The following AKT3 variants were observed in gnomAD, a reference collection of about 807,000 sequenced individuals.
The protein encoded by AKT3 is AKT serine/threonine kinase 3, also known as RAC-gamma serine/threonine-protein kinase.
AKT3 carries 15 observed loss-of-function variants against 65.3 expected under a neutral mutation model. The observed-to-expected ratio is 0.23, with a 90% confidence interval of 0.15 to 0.35. The LOEUF (loss-of-function observed/expected upper bound fraction) is 0.35. Among genes scored for constraint, AKT3 ranks in the 10% least tolerant of loss-of-function variants. AKT3 has a pLI of 1.00. For synonymous variants in AKT3, 206 were observed against 183.8 expected (o/e 1.12, Z -0.98); for missense variants, 243 against 576.5 (o/e 0.42, Z 5.92).
intron 3 of AKT3, among the ~76,000 whole-genome samples, chr1:243,679,404 C>T (rs1683761882): frequency 6.6e-6 from 1 of 152,004 alleles, no homozygotes; most frequent in Non-Finnish European, 1.5e-5. Flanking sequence ...TATGTTTTCT[C>T]CCAGAGAAAA....
chr1:243,773,844 G>A (rs1178204337), intron 2 of AKT3, among the ~76,000 whole-genome samples: 10 of 152,108 alleles, frequency 6.6e-5, no homozygotes, highest in African/African-American at 2.4e-4. Flanking sequence ...CCTAACAGAC[G>A]TCAATGTTTG....
chr1:243,782,202 A>G (rs1011154481), intron 2 of AKT3, among the ~76,000 whole-genome samples: 1 of 152,202 alleles, frequency 6.6e-6, no homozygotes, highest in African/African-American at 2.4e-5. Flanking sequence ...CTTGCCTAAG[A>G]GAGATCAAAA....
intron 2 of AKT3, among the ~76,000 whole-genome samples, chr1:243,837,897 T>C (rs1442050776): frequency 6.6e-6 from 1 of 152,096 alleles, no homozygotes; most frequent in East Asian, 1.9e-4. Flanking sequence ...TGAAATATGA[T>C]CAGAAAAAGA....
At position 243,594,097 on chromosome 1, in the gene AKT3, G is replaced by C. The variant is rs576249820; in HGVS notation, c.696+19574C>G. Among the ~76,000 whole-genome samples, 52 of 152,248 alleles carry C rather than the reference G, an allele frequency of 3.4e-4. 1 individual carries two copies. Among genetic ancestry groups the C allele is most frequent in the African/African-American group, 1.2e-3 (48 of 41,550 alleles). ...TTTCTAGAACTAATAAGTGAGCTTA[G>C]GAAGGCCATGGAATACAAGGTTAAT... On this transcript the variant is annotated intron_variant, in intron 8 of 13. Transcript: ENST00000673466.
intron 12 of AKT3, among the ~76,000 whole-genome samples, chr1:243,538,298 A>C (rs1672068222): frequency 6.6e-6 from 1 of 152,154 alleles, no homozygotes. Flanking sequence ...AAACAATAAA[A>C]CAGACATACA....
intron 2 of AKT3, among the ~76,000 whole-genome samples, chr1:243,712,222 G>GTTT (rs1346747559): frequency 6.6e-6 from 1 of 152,090 alleles, no homozygotes; most frequent in Non-Finnish European, 1.5e-5. Context: ...ATGAGACAAA[G>GTTT]GAAAAGTCAA....
At chr1:243,764,933 T>C (rs1464643063) in intron 2 of AKT3, among the ~76,000 whole-genome samples, 2 of 152,132 alleles carry the variant, frequency 1.3e-5, no homozygotes, top group Non-Finnish European at 2.9e-5. Flanking sequence ...ATTAATCATT[T>C]AGCAACATTT....
intron 2 of AKT3, among the ~76,000 whole-genome samples, chr1:243,699,537 T>C (rs1352442329): frequency 2.1e-5 from 3 of 142,026 alleles, no homozygotes; most frequent in African/African-American, 8.2e-5. Flanking sequence ...CTTCCACTTC[T>C]TTCTCACACT....
At chr1:243,594,875 TGACTAAAG>T (rs1321548475) in intron 8 of AKT3, among the ~76,000 whole-genome samples, 1 of 152,162 alleles carries the variant, frequency 6.6e-6, no homozygotes, top group Non-Finnish European at 1.5e-5. Flanking sequence ...CCCCCATGTC[TGACTAAAG>T]GACAGCCCTT....
At chr1:243,585,927 G>T (rs758619642) in intron 8 of AKT3, among the ~76,000 whole-genome samples, 17 of 152,040 alleles carry the variant, frequency 1.1e-4, no homozygotes, top group Non-Finnish European at 2.2e-4. Context: ...TACAGCAAAA[G>T]AAACTATCAA....
chr1:243,510,644 T>C (rs1669956590), intron 13 of AKT3, among the ~76,000 whole-genome samples: 1 of 152,142 alleles, frequency 6.6e-6, no homozygotes, highest in Non-Finnish European at 1.5e-5. Flanking sequence ...TGGTGACGTG[T>C]GGCATGTTCG....
chr1:243,797,057 T>A (rs1197573155), intron 2 of AKT3, among the ~76,000 whole-genome samples: 1 of 152,166 alleles, frequency 6.6e-6, no homozygotes, highest in Non-Finnish European at 1.5e-5. Context: ...TGGTGGTGAA[T>A]GGTTGCAAAA....
chr1:243,844,337 C>T (rs907053966), intron 1 of AKT3, among the ~76,000 whole-genome samples: 2 of 152,152 alleles, frequency 1.3e-5, no homozygotes, highest in Non-Finnish European at 2.9e-5. Flanking sequence ...GCCTGCATTC[C>T]AAAACTATAC....
At chr1:243,589,163 A>C (rs1488601800) in intron 8 of AKT3, among the ~76,000 whole-genome samples, 1 of 151,770 alleles carries the variant, frequency 6.6e-6, no homozygotes, top group Non-Finnish European at 1.5e-5. Flanking sequence ...AAAATCAGCC[A>C]GGCGTGGTGG....
intron 2 of AKT3, among the ~76,000 whole-genome samples, chr1:243,713,512 C>T (rs924797082): frequency 2.0e-5 from 3 of 151,998 alleles, no homozygotes; most frequent in Admixed American, 6.6e-5. Flanking sequence ...TTATTCAGTT[C>T]GACATCTGCA....
intron 13 of AKT3, chr1:243,488,934 C>T: frequency 6.2e-7 from 1 of 1,601,174 alleles, no homozygotes. Flanking sequence ...TCAGGGGCTT[C>T]CCTCAGATAC....
chr1:243,591,211 A>C (rs1310741754), intron 8 of AKT3, among the ~76,000 whole-genome samples: 1 of 152,218 alleles, frequency 6.6e-6, no homozygotes, highest in Non-Finnish European at 1.5e-5. Flanking sequence ...GCCACTGAAA[A>C]GGACCAGATG....
At chr1:243,828,141 G>A (rs2148441327) in intron 2 of AKT3, among the ~76,000 whole-genome samples, 1 of 152,132 alleles carries the variant, frequency 6.6e-6, no homozygotes, top group East Asian at 1.9e-4. Context: ...TAAACAATGG[G>A]TGAGTTAAAT....
intron 8 of AKT3, among the ~76,000 whole-genome samples, chr1:243,598,994 G>A (rs1676823693): frequency 6.6e-6 from 1 of 152,098 alleles, no homozygotes; most frequent in Non-Finnish European, 1.5e-5. Flanking sequence ...AAAATCTCCT[G>A]TATAGGAGAA....
Sources: allele counts gnomAD v4.1 joint callset (sites outside exome capture counted in the v4.1 genomes callset), GRCh38; gene constraint gnomAD v4.1.1; transcripts MANE v1.5; gene names NCBI Gene and HGNC (gene_info 2026-07-23, HGNC 2026-07-21).